The following LPCAT1 variants were observed in gnomAD, a reference collection of about 807,000 sequenced individuals.
The protein encoded by LPCAT1 is lysophosphatidylcholine acyltransferase 1, also known as 1-acylglycerol-3-phosphate O-acyltransferase.
LPCAT1 carries 23 observed loss-of-function variants against 60.9 expected under a neutral mutation model. That is an observed-to-expected ratio of 0.38 (90% CI 0.27 to 0.53). The LOEUF (loss-of-function observed/expected upper bound fraction) is 0.53. Ranked by LOEUF, LPCAT1 falls within the 20% of genes least tolerant of loss-of-function variation. LPCAT1 has a pLI of 0.82. For synonymous variants in LPCAT1, 340 were observed against 301.1 expected, an observed-to-expected ratio of 1.13 and a Z score of -1.34; for missense variants, 622 against 723.6, an observed-to-expected ratio of 0.86 and a Z score of 1.61.
At position 1,502,332 on chromosome 5, in the gene LPCAT1, T is replaced by G. The variant is rs948110608; in HGVS notation, c.136-729A>C. 1.3e-5 allele frequency among the ~76,000 whole-genome samples: 2 copies of G among 151,912 alleles called. No individual in the cohort carries two copies. Among genetic ancestry groups the G allele is most frequent in the East Asian group, 3.9e-4 (2 of 5,114 alleles). ...TCCCCTGAAATCGTTTATGTGGACATGAGAAAGCATACGCCACCCTAGGCA... is the reference window on the plus strand; with the variant it reads ...TCCCCTGAAATCGTTTATGTGGACAGGAGAAAGCATACGCCACCCTAGGCA... On this transcript the variant is annotated intron_variant, in intron 1 of 13. Transcript: ENST00000283415. The surrounding 1 kb of genome is among the most constrained non-coding windows in gnomAD (Gnocchi z 5.5).
Position 1,480,983 on chromosome 5 carries a change from A to C in LPCAT1, c.727-7T>G, listed in dbSNP as rs199877212. 2.5e-6 allele frequency: 4 copies of C among 1,613,458 alleles called. No individual in the cohort carries two copies. Among genetic ancestry groups the C allele is most frequent in the South Asian group, 1.1e-5 (1 of 91,084 alleles). On this transcript the variant is annotated splice_region_variant and splice_polypyrimidine_tract_variant and intron_variant, in intron 6 of 13. Coordinates refer to ENST00000283415, the MANE Select transcript of LPCAT1 (RefSeq NM_024830.5). The surrounding 1 kb of genome is among the most constrained non-coding windows in gnomAD (Gnocchi z 6.4). The stretch of plus-strand genomic sequence containing the variant: ...ACGTCCATGTGATGGTGTCCTGGGG[A>C]GGAAGAGGCAGGGTCAGTCAGCATG...
chr5:1,471,574 TGAG>T (rs1734669837), intron 11 of LPCAT1, among the ~76,000 whole-genome samples: 1 of 151,804 alleles, frequency 6.6e-6, no homozygotes, highest in Admixed American at 6.6e-5. Flanking sequence ...CGGGAGGAGG[TGAG>T]GAGCACCCTG....
rs891073545 is a variant in LPCAT1 at position 1,477,966 on chromosome 5, C to T, written c.817-480G>A. Among the ~76,000 whole-genome samples, 2 of 152,106 alleles carry T rather than the reference C, an allele frequency of 1.3e-5. No individual in the cohort carries two copies. The highest frequency in any genetic ancestry group is 2.9e-5 in the Non-Finnish European group (2 of 67,990). ...CATCTGGCTCTCTGATCTACACTCA[C>T]CCCCGTCAGTGCTCCTAGGAGCTCC... On this transcript the variant is annotated intron_variant, in intron 8 of 13. Coordinates refer to ENST00000283415, the MANE Select transcript of LPCAT1 (RefSeq NM_024830.5). This position sits in a 1 kb window ranked among gnomAD's most constrained non-coding sequence, Gnocchi z 6.0.
intron 1 of LPCAT1, among the ~76,000 whole-genome samples, chr5:1,506,498 C>A (rs993343114): frequency 6.6e-6 from 1 of 152,248 alleles, no homozygotes; most frequent in Non-Finnish European, 1.5e-5. Flanking sequence ...ATTCCTCATG[C>A]CCCCACGCCC....
At chr5:1,473,779 G>C (rs185309933) in intron 11 of LPCAT1, among the ~76,000 whole-genome samples, 178 bp downstream of exon 11, 1 of 152,194 alleles carries the variant, frequency 6.6e-6, no homozygotes, top group Non-Finnish European at 1.5e-5. Flanking sequence ...ATGTGTACGC[G>C]TATTTAAAAG....
At chr5:1,466,714 G>T in intron 13 of LPCAT1, 35 bp downstream of exon 13, 2 of 1,588,592 alleles carry the variant, frequency 1.3e-6, no homozygotes, top group Admixed American at 1.7e-5. Context: ...CCCCGCCCAA[G>T]GGTCGCGAGG....
chr5:1,468,926 C>T (rs1734553428), intron 12 of LPCAT1, among the ~76,000 whole-genome samples: 2 of 152,204 alleles, frequency 1.3e-5, no homozygotes, highest in South Asian at 4.1e-4. Flanking sequence ...ACATGCAGTC[C>T]CCCCAAAATG....
At position 1,477,321 on chromosome 5, in the gene LPCAT1, T is replaced by C. The variant is rs2126512146; in HGVS notation, c.899+83A>G. 1.8e-6 allele frequency: 2 copies of C among 1,126,664 alleles called. No homozygotes were observed. Among genetic ancestry groups the C allele is most frequent in the East Asian group, 2.4e-5 (1 of 42,192 alleles). 69.8% of individuals were successfully genotyped at this position (1,126,664 alleles called of 1,614,324 possible). A position where few individuals can be genotyped will look rare whatever the true frequency, so the allele number is the denominator to read the frequency against. On this transcript the variant is annotated intron_variant, in intron 9 of 13. Coordinates refer to ENST00000283415, the MANE Select transcript of LPCAT1 (RefSeq NM_024830.5). The surrounding 1 kb of genome is among the most constrained non-coding windows in gnomAD (Gnocchi z 6.0). ...CTGCAAGAATGCCTTTTCCTAACGCTGTTGCCTATTTTAAATATACAGAGA... is the reference window on the plus strand; with the variant it reads ...CTGCAAGAATGCCTTTTCCTAACGCCGTTGCCTATTTTAAATATACAGAGA...
rs1212706269 is a variant in LPCAT1 at position 1,480,983 on chromosome 5, AG to A, written c.727-8del. ...ACGTCCATGTGATGGTGTCCTGGGG[AG>A]GAAGAGGCAGGGTCAGTCAGCATGG... is the stretch of plus-strand genomic sequence containing the variant. On this transcript the variant is annotated splice_polypyrimidine_tract_variant and splice_region_variant and intron_variant, in intron 6 of 13. Transcript: ENST00000283415. The surrounding 1 kb of genome is among the most constrained non-coding windows in gnomAD (Gnocchi z 6.4). 2.5e-6 allele frequency: 4 copies of A among 1,613,576 alleles called. No homozygotes were observed. Among genetic ancestry groups the A allele is most frequent in the Non-Finnish European group, 3.4e-6 (4 of 1,179,984 alleles).
In LPCAT1 at chr5:1,474,665, G is replaced by T; in HGVS notation, c.920C>A (p.Thr307Asn). 1 of 1,613,854 alleles carries T rather than the reference G, an allele frequency of 6.2e-7. No individual in the cohort carries two copies. The highest frequency in any genetic ancestry group is 2.2e-5 in the East Asian group (1 of 44,878). ...CTGGCAGTCCTCGAACGTGTAGTCA[G>T]TCACGGAGACACCCAAGGCCCTACA... ...VMAEALGVSV[T>N]DYTFEDCQLA... The change falls in exon 10 of 14, where the codon ACT (threonine) becomes AAT (asparagine). Residue 307 changes from threonine (T) to asparagine (N), a missense_variant. Thr to Asn is a moderately conservative substitution (Grantham distance 65, BLOSUM62 0). Transcript: ENST00000283415.
intron 3 of LPCAT1, 84 bp from the exon 4 acceptor site, chr5:1,489,942 G>T: frequency 1.0e-6 from 1 of 975,964 alleles, no homozygotes; most frequent in Non-Finnish European, 1.7e-6. Flanking sequence ...CTGCTGCATG[G>T]CGCCCAGTGG....
intron 1 of LPCAT1, among the ~76,000 whole-genome samples, chr5:1,506,535 T>C (rs1179128890): frequency 6.6e-6 from 1 of 152,226 alleles, no homozygotes; most frequent in Non-Finnish European, 1.5e-5. Flanking sequence ...GGATGGACTC[T>C]AGCCCCCCAG....
Position 1,466,860 on chromosome 5 carries a change from C to T in LPCAT1, c.1309G>A (p.Gly437Ser). 5 of 1,608,462 alleles carry T rather than the reference C, an allele frequency of 3.1e-6. No individual in the cohort carries two copies. The highest frequency in any genetic ancestry group is 1.1e-5 in the South Asian group (1 of 90,442). ...MYGAQEDGSV[G>S]EGDLSCILKT... ...AGGATGCAGGACAGGTCACCTTCGCCGACGCTGCCGTCCTCTTGCGCTCCG... is the reference window on the plus strand; with the variant it reads ...AGGATGCAGGACAGGTCACCTTCGCTGACGCTGCCGTCCTCTTGCGCTCCG... The change falls in exon 13 of 14, where the codon GGC becomes AGC. Residue 437 changes from glycine (G) to serine (S), a missense_variant. Physicochemically the swap from Gly to Ser is moderately conservative, Grantham distance 56. Coordinates refer to ENST00000283415, the MANE Select transcript of LPCAT1 (RefSeq NM_024830.5).
At chr5:1,498,655 GAC>G (rs759425610) in intron 2 of LPCAT1, among the ~76,000 whole-genome samples, 11 of 150,040 alleles carry the variant, frequency 7.3e-5, no homozygotes, top group East Asian at 2.0e-4. Context: ...TGTACACAGA[GAC>G]ACAACACTCA....
chr5:1,516,577 AC>A (rs1202131616), intron 1 of LPCAT1, among the ~76,000 whole-genome samples: 1 of 150,542 alleles, frequency 6.6e-6, no homozygotes, highest in Non-Finnish European at 1.5e-5. Context: ...CTTTGGTTCT[AC>A]CCCAAGGGTT....
chr5:1,513,072 C>T (rs1457465975), intron 1 of LPCAT1, among the ~76,000 whole-genome samples: 2 of 152,198 alleles, frequency 1.3e-5, no homozygotes, highest in Non-Finnish European at 2.9e-5. Flanking sequence ...AGGGCCCAGG[C>T]AGGGTGGCTA....
intron 1 of LPCAT1, among the ~76,000 whole-genome samples, chr5:1,509,171 AAGGCCGCG>A (rs1303364860): frequency 2.6e-5 from 4 of 152,262 alleles, no homozygotes; most frequent in Non-Finnish European, 5.9e-5. Flanking sequence ...CGGAGACTCG[AAGGCCGCG>A]AGGCCGCGTC....
intron 13 of LPCAT1, among the ~76,000 whole-genome samples, chr5:1,465,067 AC>A (rs200460249): frequency 0.045 from 3,602 of 80,104 alleles, 157 homozygotes; most frequent in African/African-American, 0.12. Flanking sequence ...AAGTGCACGC[AC>A]ACACACGGTA....
chr5:1,483,785 TGC>T lies in LPCAT1; in HGVS notation c.668-301_668-300del. 6.7e-6 allele frequency among the ~76,000 whole-genome samples: 1 copy of T among 148,732 alleles called. No homozygotes were observed. The highest frequency in any genetic ancestry group is 2.0e-4 in the East Asian group (1 of 4,938). ...GGAGGGACACTTGCTATTATAACAT[TGC>T]GCACGAGCTGGAAGACATCCGTGGA... On this transcript the variant is annotated intron_variant, in intron 5 of 13. Transcript: ENST00000283415. This position sits in a 1 kb window ranked among gnomAD's most constrained non-coding sequence, Gnocchi z 9.2.
Sources: gnomAD v4.1 joint callset for allele counts (sites outside exome capture counted in the v4.1 genomes callset) on GRCh38, gnomAD v4.1.1 for gene constraint, Gnocchi (gnomAD v3.1) non-coding constraint, MANE v1.5 for transcripts, NCBI Gene and HGNC (gene_info 2026-07-23, HGNC 2026-07-21) for gene names.